CALY: variants seen among roughly 807,000 people sequenced by gnomAD.
CALY encodes the protein calcyon neuron specific vesicular protein, also known as neuron-specific vesicular protein calcyon.
CALY carries 15 observed loss-of-function variants against 20.2 expected under a neutral mutation model. The ratio of observed to expected loss-of-function variants is 0.74; its 90% CI spans 0.50 to 1.14. CALY has a LOEUF of 1.14. CALY is among the 50% of genes most tolerant of loss of function. The pLI is 0.00. For missense variants in CALY, 270 were observed against 304.4 expected (o/e 0.89, Z 0.84); for synonymous variants, 129 against 131.8 (o/e 0.98, Z 0.15).
chr10:133,324,346 C>T lies in CALY; in HGVS notation c.*1249G>A, dbSNP rs1263122178. ...AGGCCCAGTTCACAGGCTTCCTGGG[C>T]ACTGCCGCTGTTCCAAAGCAGGCCA... On this transcript the variant is annotated 3_prime_UTR_variant, in exon 6 of 6. Coordinates refer to ENST00000252939, the MANE Select transcript of CALY (RefSeq NM_015722.4). The T allele has an allele frequency of 6.6e-6, 3 of 455,904 alleles. No homozygotes were observed. The highest frequency in any genetic ancestry group is 6.0e-5 in the African/African-American group (3 of 50,152). The allele number at this position is 455,904 out of a possible 1,614,324, so 28.2% of individuals were successfully genotyped here. A position where few individuals can be genotyped will look rare whatever the true frequency, so the allele number is the denominator to read the frequency against.
chr10:133,331,768 G>A (rs1327646029), intron 1 of CALY, among the ~76,000 whole-genome samples: 1 of 152,156 alleles, frequency 6.6e-6, no homozygotes, highest in East Asian at 1.9e-4. Flanking sequence ...TTTTTAAAAT[G>A]AACTTGACAA....
intron 3 of CALY, chr10:133,327,431 A>G (rs1182073215): frequency 9.9e-6 from 5 of 502,536 alleles, no homozygotes. Context: ...AGGGGCGGGG[A>G]GCCCTAGCAG....
intron 2 of CALY, among the ~76,000 whole-genome samples, chr10:133,328,296 G>A (rs1287704390): frequency 6.6e-6 from 1 of 152,210 alleles, no homozygotes; most frequent in Non-Finnish European, 1.5e-5. Flanking sequence ...AACTCAGGGT[G>A]CTGGAGAATT....
rs999274049 is a variant in CALY at position 133,328,730 on chromosome 10, C to T, written c.135+125G>A. 34 of 1,095,788 alleles carry T rather than the reference C, an allele frequency of 3.1e-5. No individual in the cohort carries two copies. The African/African-American group carries it at 4.5e-4, about 14-fold the overall frequency. 67.9% of individuals were successfully genotyped at this position (1,095,788 alleles called of 1,614,324 possible). A position where few individuals can be genotyped will look rare whatever the true frequency, so the allele number is the denominator to read the frequency against. On this transcript the variant is annotated intron_variant, in intron 2 of 5. Coordinates refer to ENST00000252939, the MANE Select transcript of CALY (RefSeq NM_015722.4). ...CATGGCCAGCTGGGGCTTTGGCCCC[C>T]ATGGCCCTTCATCTGTTTGCTCTAC...
Position 133,326,893 on chromosome 10 carries a change from G to A in CALY, c.345C>T (p.Asp115=), listed in dbSNP as rs926708960. The change falls in exon 4 of 6, where the codon GAC becomes GAT. Residue 115 remains aspartate, a synonymous_variant. Transcript: ENST00000252939. The stretch of plus-strand genomic sequence containing the variant: ...GCCCCCTTACCCGCAGCAGGAAGCC[G>A]TCGGGGCAGGTGAACTGGTCGTACC... ...AIWYDQFTCP[D]GFLLRHKICT... 1.2e-5 allele frequency: 19 copies of A among 1,607,398 alleles called. No homozygotes were observed. The highest frequency in any genetic ancestry group is 3.4e-5 in the South Asian group (3 of 89,512).
rs578187057 is a variant in CALY at position 133,324,226 on chromosome 10, C to A, written c.*1369G>T. 21 of 393,224 alleles carry A rather than the reference C, an allele frequency of 5.3e-5. No individual in the cohort carries two copies. Among genetic ancestry groups the A allele is most frequent in the South Asian group, 3.5e-4 (20 of 57,058 alleles). 24.4% of individuals were successfully genotyped at this position (393,224 alleles called of 1,614,324 possible). On this transcript the variant is annotated 3_prime_UTR_variant, in exon 6 of 6. Transcript: ENST00000252939. ...CGTGTGCTTGTTCATCTGGCCAATG[C>A]CCTTAGAAGCCCAGCAGTGAAGGGT...
Sources: gnomAD v4.1 joint callset for allele counts (sites outside exome capture counted in the v4.1 genomes callset) on GRCh38, gnomAD v4.1.1 for gene constraint, MANE v1.5 for transcripts, NCBI Gene and HGNC (gene_info 2026-07-23, HGNC 2026-07-21) for gene names.